Variants in YTHDF2 observed in about 807,000 individuals in gnomAD.
The protein encoded by YTHDF2 is YTH N6-methyladenosine RNA binding protein F2, also known as YTH domain-containing family protein 2.
Under a neutral mutation model 50.4 loss-of-function variants are expected in YTHDF2, and 2 were observed. The ratio of observed to expected loss-of-function variants is 0.04; its 90% CI spans 0.02 to 0.12. The LOEUF (loss-of-function observed/expected upper bound fraction) is 0.12, where lower values mean the gene tolerates loss of function less well. Among genes scored for constraint, YTHDF2 ranks in the 10% least tolerant of loss-of-function variants. The probability of loss-of-function intolerance (pLI) is 1.00; values close to 1 mark genes in which losing one functional copy is unlikely to be tolerated. For synonymous variants in YTHDF2, 217 were observed against 255.6 expected, an observed-to-expected ratio of 0.85 and a Z score of 1.44; for missense variants, 483 against 722.6, an observed-to-expected ratio of 0.67 and a Z score of 3.80.
chr1:28,760,687 T>A (rs1316993641), intron 4 of YTHDF2, among the ~76,000 whole-genome samples: 2 of 151,844 alleles, frequency 1.3e-5, no homozygotes, highest in African/African-American at 4.8e-5. Context: ...TTCAAACGAT[T>A]CTCCTCCCTC....
At chr1:28,740,144 C>G (rs968271596) in intron 3 of YTHDF2, among the ~76,000 whole-genome samples, 5 of 152,098 alleles carry the variant, frequency 3.3e-5, no homozygotes, top group Non-Finnish European at 7.4e-5. Flanking sequence ...ACCAGTTAAT[C>G]AGGAAAAGTA....
At chr1:28,740,862 C>T (rs2087765343) in intron 3 of YTHDF2, among the ~76,000 whole-genome samples, 1 of 152,062 alleles carries the variant, frequency 6.6e-6, no homozygotes, top group South Asian at 2.1e-4. Flanking sequence ...CGCCACCATA[C>T]CTGGCTAATT....
intron 4 of YTHDF2, among the ~76,000 whole-genome samples, chr1:28,760,136 CCTT>C (rs930692400): frequency 1.1e-4 from 16 of 152,108 alleles, no homozygotes; most frequent in African/African-American, 3.6e-4. Context: ...TAAAATAGTA[CCTT>C]CTTCTGGAAT....
chr1:28,739,855 A>C (rs914185979), intron 3 of YTHDF2, among the ~76,000 whole-genome samples: 10 of 152,196 alleles, frequency 6.6e-5, no homozygotes, highest in African/African-American at 2.2e-4. Context: ...CTCTGATTCC[A>C]AAGACAGTTA....
In YTHDF2 at chr1:28,746,848, G is replaced by C. The variant is rs185637301; in HGVS notation, c.1716+2862G>C. Among the ~76,000 whole-genome samples the C allele has an allele frequency of 8.4e-3, 1,283 of 152,250 alleles. 14 individuals are homozygous for C. The highest frequency in any genetic ancestry group is 0.027 in the African/African-American group (1,133 of 41,536). The stretch of plus-strand genomic sequence containing the variant: ...TGTAATCCCAGCACTTTGGGAGGCC[G>C]AGGTGGGCGGATCACCTGAGGTCAG... On this transcript the variant is annotated intron_variant, in intron 4 of 4. Transcript: ENST00000373812.
chr1:28,742,409 G>A lies in YTHDF2; in HGVS notation c.139G>A (p.Ala47Thr). 1.3e-6 allele frequency: 2 copies of A among 1,555,536 alleles called. No individual in the cohort carries two copies. The highest frequency in any genetic ancestry group is 1.2e-5 in the South Asian group (1 of 81,694). ...YLSPQARPNN[A>T]YTAMSDSYLP... ...CTTTTTTTTTCTTCCACAGAATAAT[G>A]CATATACTGCCATGTCAGATTCCTA... Residue 47 changes from alanine to threonine, a missense_variant, in exon 4 of 5, where the codon GCA becomes ACA. By Grantham distance (58) the Ala-to-Thr change is moderately conservative (BLOSUM62 0). Coordinates refer to ENST00000373812, the MANE Select transcript of YTHDF2 (RefSeq NM_016258.3).
At position 28,737,692 on chromosome 1, in the gene YTHDF2, G is replaced by C. The variant is rs757299955; in HGVS notation, c.52+10G>C. ...GGTCAAGGAAACAAAGGTAAGTCCC[G>C]CTCCGCCGGTGGCCCTGAGCCGGGA... On this transcript the variant is annotated intron_variant, in intron 2 of 4. Coordinates refer to ENST00000373812, the MANE Select transcript of YTHDF2 (RefSeq NM_016258.3). 3 of 1,613,618 alleles carry C rather than the reference G, an allele frequency of 1.9e-6. No homozygotes were observed. Among genetic ancestry groups the C allele is most frequent in the East Asian group, 2.2e-5 (1 of 44,868 alleles).
intron 3 of YTHDF2, among the ~76,000 whole-genome samples, chr1:28,741,479 A>G (rs2087775354): frequency 6.6e-6 from 1 of 152,040 alleles, no homozygotes; most frequent in Non-Finnish European, 1.5e-5. Flanking sequence ...TTGTCTTTTT[A>G]GTAGAGACTG....
At chr1:28,752,341 A>G (rs2124186756) in intron 4 of YTHDF2, among the ~76,000 whole-genome samples, 1 of 152,244 alleles carries the variant, frequency 6.6e-6, no homozygotes, top group East Asian at 1.9e-4. Flanking sequence ...CTTGTTGCCC[A>G]GGCTGGAGTG....
Position 28,742,629 on chromosome 1 carries a change from A to G in YTHDF2, c.359A>G (p.His120Arg), listed in dbSNP as rs2087793898. ...ALGSTPFLGQ[H>R]GFNFFPSGID... ...GGTAGCACTCCATTTCTTGGTCAGC[A>G]TGGTTTTAATTTCTTTCCCAGTGGG... The change falls in exon 4 of 5, where the codon CAT becomes CGT. Residue 120 changes from histidine (H) to arginine (R), a missense_variant. Coordinates refer to ENST00000373812, the MANE Select transcript of YTHDF2 (RefSeq NM_016258.3). 1.2e-6 allele frequency: 2 copies of G among 1,614,116 alleles called. No individual in the cohort carries two copies. The highest frequency in any genetic ancestry group is 8.5e-7 in the Non-Finnish European group (1 of 1,180,000).
chr1:28,769,002 G>C lies in YTHDF2; in HGVS notation c.*50G>C. The C allele has an allele frequency of 1.3e-6, 2 of 1,487,008 alleles. No homozygotes were observed. The highest frequency in any genetic ancestry group is 1.4e-5 in the African/African-American group (1 of 71,292). 92.1% of individuals were successfully genotyped at this position (1,487,008 alleles called of 1,614,324 possible). On this transcript the variant is annotated 3_prime_UTR_variant, in exon 5 of 5. Coordinates refer to ENST00000373812, the MANE Select transcript of YTHDF2 (RefSeq NM_016258.3). ...CAACGGTTGCATCTGCATATCCTAA[G>C]AGGAAAAAATGACCTTCAAGAGAAT... is the stretch of plus-strand genomic sequence containing the variant.
upstream of YTHDF2, chr1:28,736,896 G>T (rs2087695668): frequency 3.7e-6 from 2 of 543,078 alleles, no homozygotes; most frequent in Non-Finnish European, 6.4e-6. Flanking sequence ...TGGGGGGCGG[G>T]CGCGCGCGTA....
rs779317848 is a variant in YTHDF2, at chr1:28,743,435, T to C, written c.1165T>C (p.Leu389=). ...GSTPSEPHPV[L]EKLRSINNYN... Reference sequence around the variant, plus strand: ...TACTCCTTCAGAACCCCACCCAGTGTTGGAGAAGCTTCGGTCCATTAATAA... The same window carrying C: ...TACTCCTTCAGAACCCCACCCAGTGCTGGAGAAGCTTCGGTCCATTAATAA... Residue 389 remains leucine, a synonymous_variant, in exon 4 of 5, where the codon TTG becomes CTG. Transcript: ENST00000373812. The surrounding 1 kb of genome is among the most constrained non-coding windows in gnomAD (Gnocchi z 6.9). 16 of 1,614,042 alleles carry C rather than the reference T, an allele frequency of 9.9e-6. No homozygotes were observed. The highest frequency in any genetic ancestry group is 1.4e-5 in the Non-Finnish European group (16 of 1,180,046).
chr1:28,763,807 A>G (rs1052224930), intron 4 of YTHDF2, among the ~76,000 whole-genome samples: 43 of 149,906 alleles, frequency 2.9e-4, no homozygotes, highest in African/African-American at 4.2e-4. Context: ...CTGGCCGACA[A>G]TTTATAATTG....
At chr1:28,749,510 A>G (rs1450385644) in intron 4 of YTHDF2, among the ~76,000 whole-genome samples, 1 of 152,156 alleles carries the variant, frequency 6.6e-6, no homozygotes, top group Non-Finnish European at 1.5e-5. Context: ...CAACTTTGGA[A>G]TAGTCTGGGA....
intron 4 of YTHDF2, among the ~76,000 whole-genome samples, chr1:28,761,129 G>GTTT (rs1440540368): frequency 1.7e-4 from 6 of 35,260 alleles, no homozygotes; most frequent in African/African-American, 3.3e-4. Flanking sequence ...GTGTGTGTGT[G>GTTT]TATTTTTTTT....
chr1:28,764,142 G>A (rs1409342045), intron 4 of YTHDF2, among the ~76,000 whole-genome samples: 4 of 151,200 alleles, frequency 2.6e-5, no homozygotes, highest in African/African-American at 9.7e-5. Flanking sequence ...AAGAGACGGG[G>A]GTTTCTCCAT....
rs2124623281 is a variant in YTHDF2 at position 28,737,425 on chromosome 1, G to A, written c.28-233G>A. 4 of 652,564 alleles carry A rather than the reference G, an allele frequency of 6.1e-6. No homozygotes were observed. The South Asian group carries it at 8.3e-5, about 14-fold the overall frequency. 40.4% of individuals were successfully genotyped at this position (652,564 alleles called of 1,614,324 possible). On this transcript the variant is annotated intron_variant, in intron 1 of 4. Coordinates refer to ENST00000373812, the MANE Select transcript of YTHDF2 (RefSeq NM_016258.3). ...CCTTGTTTCCTTCCCCTTCCTTAAAGCCCTGGGTTCCTCGCGTCGCCGGTG... is the reference window on the plus strand; with the variant it reads ...CCTTGTTTCCTTCCCCTTCCTTAAAACCCTGGGTTCCTCGCGTCGCCGGTG...
rs548751513 is a variant in YTHDF2, at chr1:28,764,193, C to T, written c.1717-4736C>T. 3.6e-3 allele frequency among the ~76,000 whole-genome samples: 546 copies of T among 151,874 alleles called. 7 individuals are homozygous for T. Among genetic ancestry groups the T allele is most frequent in the African/African-American group, 0.013 (521 of 41,442 alleles). The stretch of plus-strand genomic sequence containing the variant: ...CTCGAACTCCCGACCTCAGGTGATC[C>T]GCCCACCTCGGCCTCCCAAAGTGCT... On this transcript the variant is annotated intron_variant, in intron 4 of 4. Transcript: ENST00000373812.
Sources: gnomAD v4.1 joint callset for allele counts (sites outside exome capture counted in the v4.1 genomes callset) on GRCh38, gnomAD v4.1.1 for gene constraint, Gnocchi (gnomAD v3.1) non-coding constraint, MANE v1.5 for transcripts, NCBI Gene and HGNC (gene_info 2026-07-23, HGNC 2026-07-21) for gene names.